The following RAPGEF5 variants were observed in gnomAD, a reference collection of about 807,000 sequenced individuals.
RAPGEF5 encodes the protein Rap guanine nucleotide exchange factor 5.
RAPGEF5 carries 65 observed loss-of-function variants against 125.2 expected under a neutral mutation model. That is an observed-to-expected ratio of 0.52 (90% CI 0.43 to 0.64). RAPGEF5 has a LOEUF of 0.64. Ranked by LOEUF, RAPGEF5 falls within the 30% of genes least tolerant of loss-of-function variation. The probability of loss-of-function intolerance (pLI) is 0.00; values close to 1 mark genes in which losing one functional copy is unlikely to be tolerated. For synonymous variants in RAPGEF5, 391 were observed against 385.9 expected, an observed-to-expected ratio of 1.01 and a Z score of -0.16; for missense variants, 958 against 1,048.1, an observed-to-expected ratio of 0.91 and a Z score of 1.19.
At chr7:22,232,256 T>C (rs1786076004) in intron 7 of RAPGEF5, among the ~76,000 whole-genome samples, 1 of 151,992 alleles carries the variant, frequency 6.6e-6, no homozygotes, top group African/African-American at 2.4e-5. Flanking sequence ...CATACCAACC[T>C]AGCTGACAGT....
chr7:22,293,256 G>A (rs1782974391), intron 5 of RAPGEF5, among the ~76,000 whole-genome samples: 1 of 152,056 alleles, frequency 6.6e-6, no homozygotes, highest in South Asian at 2.1e-4. Flanking sequence ...GCAATTCCAG[G>A]AACTTTATTT....
At chr7:22,268,725 C>A (rs184194511) in intron 6 of RAPGEF5, among the ~76,000 whole-genome samples, 1 of 152,320 alleles carries the variant, frequency 6.6e-6, no homozygotes, top group African/African-American at 2.4e-5. Flanking sequence ...TTGCTCACAA[C>A]GGATCGAAAC....
intron 19 of RAPGEF5, among the ~76,000 whole-genome samples, chr7:22,146,462 C>T (rs1005423397): frequency 1.1e-4 from 17 of 152,106 alleles, no homozygotes; most frequent in African/African-American, 4.1e-4. Context: ...TGAAGTCTTA[C>T]AATGCAGTCT....
In RAPGEF5 at chr7:22,243,161, C is replaced by T. The variant is rs185211998; in HGVS notation, c.797-12242G>A. ...CCATTTTTGAATATCAATGTAAGTA[C>T]TTACGGCTCACAAAAGAAAGCAATC... On this transcript the variant is annotated intron_variant, in intron 7 of 25. Transcript: ENST00000665637. Among the ~76,000 whole-genome samples, 284 of 152,208 alleles carry T rather than the reference C, an allele frequency of 1.9e-3. 1 individual carries two copies. The highest frequency in any genetic ancestry group is 6.5e-3 in the African/African-American group (269 of 41,524).
chr7:22,310,174 C>A (rs1170861116), intron 3 of RAPGEF5, 84 bp from the exon 4 acceptor site: 5 of 1,287,738 alleles, frequency 3.9e-6, no homozygotes, highest in Non-Finnish European at 4.9e-6. Context: ...AATACCTTTC[C>A]TTTCATGTGC....
intron 12 of RAPGEF5, 138 bp downstream of exon 12, chr7:22,166,932 G>T: frequency 1.5e-6 from 1 of 684,164 alleles, no homozygotes; most frequent in Non-Finnish European, 2.5e-6. Context: ...CTTCTACCTT[G>T]GATATCATTA....
rs545376736 is a variant in RAPGEF5, at chr7:22,337,319, G to A, written c.232-19282C>T. 3.9e-5 allele frequency among the ~76,000 whole-genome samples: 6 copies of A among 152,200 alleles called. No individual in the cohort carries two copies. The South Asian group carries it at 1.2e-3, about 32-fold the overall frequency. On this transcript the variant is annotated intron_variant, in intron 1 of 25. Transcript: ENST00000665637. ...AACAGGACCAGTTGTCAAGCGTTGT[G>A]GGTCCAAGTGGGGCCATCAGGTCAT...
intron 1 of RAPGEF5, chr7:22,355,866 A>G: frequency 2.5e-6 from 2 of 790,934 alleles, no homozygotes; most frequent in Non-Finnish European, 3.1e-6. Context: ...TTTAAGTCAG[A>G]CAAGACTGCA....
chr7:22,215,089 G>GTTCCTC (rs1785604268), intron 9 of RAPGEF5, among the ~76,000 whole-genome samples: 1 of 152,012 alleles, frequency 6.6e-6, no homozygotes, highest in Non-Finnish European at 1.5e-5. Context: ...ATGCTGAGTC[G>GTTCCTC]TTCCTCATTA....
intron 22 of RAPGEF5, 150 bp from the exon 23 acceptor site, chr7:22,136,275 T>A: frequency 1.8e-6 from 1 of 546,988 alleles, no homozygotes; most frequent in Non-Finnish European, 3.1e-6. Flanking sequence ...CCTAGGAGAA[T>A]AAACTCACTA....
intron 7 of RAPGEF5, among the ~76,000 whole-genome samples, chr7:22,233,398 G>A (rs528756404): frequency 3.9e-5 from 6 of 152,230 alleles, no homozygotes; most frequent in Admixed American, 2.0e-4. Flanking sequence ...TTAAATTTCA[G>A]AATATTTTAG....
chr7:22,191,596 T>G (rs1179655522), intron 11 of RAPGEF5: 1 of 471,162 alleles, frequency 2.1e-6, no homozygotes, highest in South Asian at 1.5e-5. Context: ...CTTGGCTTTG[T>G]GAGCACATGG....
intron 5 of RAPGEF5, among the ~76,000 whole-genome samples, chr7:22,299,623 T>C (rs951804642): frequency 6.6e-6 from 1 of 152,216 alleles, no homozygotes; most frequent in Admixed American, 6.5e-5. Flanking sequence ...CTGATATTGT[T>C]TCTATTCAAC....
At chr7:22,136,243 A>C in intron 22 of RAPGEF5, 118 bp from the exon 23 acceptor site, 1 of 664,418 alleles carries the variant, frequency 1.5e-6, no homozygotes, top group Non-Finnish European at 2.4e-6. Flanking sequence ...ATTCCTCCTA[A>C]GAACAAAGTA....
chr7:22,218,602 T>C (rs189276011), intron 9 of RAPGEF5, among the ~76,000 whole-genome samples: 35 of 152,216 alleles, frequency 2.3e-4, no homozygotes, highest in African/African-American at 8.4e-4. Flanking sequence ...TTAAAATGAA[T>C]CAAAAGGAAA....
At chr7:22,290,118 A>C (rs1389068478) in intron 6 of RAPGEF5, among the ~76,000 whole-genome samples, 1 of 152,234 alleles carries the variant, frequency 6.6e-6, no homozygotes, top group Admixed American at 6.5e-5. Context: ...AGTAGGAAAG[A>C]CACTTTCAAT....
At chr7:22,299,057 A>T (rs1403944533) in intron 5 of RAPGEF5, among the ~76,000 whole-genome samples, 41 of 112,794 alleles carry the variant, frequency 3.6e-4, no homozygotes, top group East Asian at 9.8e-4. Flanking sequence ...TAGTTTCATT[A>T]TTTTTTTTTC....
At chr7:22,308,631 C>T in intron 4 of RAPGEF5, 124 bp from the exon 5 acceptor site, 1 of 758,220 alleles carries the variant, frequency 1.3e-6, no homozygotes, top group East Asian at 3.0e-5. Flanking sequence ...TATAATTATA[C>T]ATTCTAAGCT....
chr7:22,343,594 G>A lies in RAPGEF5; in HGVS notation c.231+13236C>T, dbSNP rs184942182. On this transcript the variant is annotated intron_variant, in intron 1 of 25. Transcript: ENST00000665637. Reference sequence around the variant, plus strand: ...TCAATATAAAAGAACTAATAAACACGCAGAATTGGTATTAGTATGTGTGGT... The same window carrying A: ...TCAATATAAAAGAACTAATAAACACACAGAATTGGTATTAGTATGTGTGGT... Among the ~76,000 whole-genome samples, 7 of 152,128 alleles carry A rather than the reference G, an allele frequency of 4.6e-5. No homozygotes were observed. The East Asian group carries it at 7.7e-4, about 17-fold the overall frequency.
Sources: allele counts gnomAD v4.1 joint callset (sites outside exome capture counted in the v4.1 genomes callset), GRCh38; gene constraint gnomAD v4.1.1; transcripts MANE v1.5; gene names NCBI Gene and HGNC (gene_info 2026-07-23, HGNC 2026-07-21).